Variants in COBL observed in about 807,000 individuals in gnomAD.
COBL encodes cordon-bleu WH2 repeat protein, also known as protein cordon-bleu.
In COBL, 51 loss-of-function variants were observed where a neutral mutation model predicts 98.8. The ratio of observed to expected loss-of-function variants is 0.52; its 90% CI spans 0.41 to 0.65. COBL has a LOEUF of 0.65. Ranked by LOEUF, COBL falls within the 30% of genes least tolerant of loss-of-function variation. COBL has a pLI of 0.00. For synonymous variants in COBL, 634 were observed against 651.7 expected (o/e 0.97, Z 0.41); for missense variants, 1,617 against 1,617.5 (o/e 1.00, Z 0.01).
intron 6 of COBL, among the ~76,000 whole-genome samples, chr7:51,094,789 TA>T (rs1795127738): frequency 1.3e-5 from 2 of 152,200 alleles, no homozygotes; most frequent in East Asian, 3.9e-4. Flanking sequence ...ATTTAAAAAA[TA>T]AAAGCATAAA....
At position 51,193,535 on chromosome 7, in the gene COBL, T is replaced by C. The variant is rs1790318936; in HGVS notation, c.300A>G (p.Pro100=). 5 of 1,614,076 alleles carry C rather than the reference T, an allele frequency of 3.1e-6. No individual in the cohort carries two copies. Among genetic ancestry groups the C allele is most frequent in the Admixed American group, 1.7e-5 (1 of 60,000 alleles). ...VELCLQNHLN[P]SHHALEIRSS... ...ACCGAATTTCAAGGGCATGGTGGGA[T>C]GGATTCAGGTGGTTCTGAAGGCAAA... The change falls in exon 3 of 13, where the codon CCA becomes CCG. Residue 100 remains proline, a synonymous_variant. Coordinates refer to ENST00000265136, the MANE Select transcript of COBL (RefSeq NM_015198.5).
chr7:51,027,629 C>T, intron 10 of COBL, 83 bp downstream of exon 10: 1 of 1,186,906 alleles, frequency 8.4e-7, no homozygotes, highest in Non-Finnish European at 1.2e-6. Context: ...TCTCTCTCTC[C>T]TCCGCTTTAT....
chr7:51,077,802 G>A (rs1793237228), intron 7 of COBL, among the ~76,000 whole-genome samples: 1 of 152,176 alleles, frequency 6.6e-6, no homozygotes, highest in Non-Finnish European at 1.5e-5. Context: ...GAGAAGTGTA[G>A]GTGGAGGCTA....
chr7:51,297,595 G>A (rs983223664), intron 1 of COBL, among the ~76,000 whole-genome samples: 11 of 152,098 alleles, frequency 7.2e-5, no homozygotes, highest in Middle Eastern at 3.4e-3. Context: ...GTTTTGCCAC[G>A]TTGGCCAGAC....
At chr7:51,242,077 C>A (rs1795840597) in intron 1 of COBL, among the ~76,000 whole-genome samples, 2 of 152,194 alleles carry the variant, frequency 1.3e-5, no homozygotes, top group South Asian at 4.1e-4. Context: ...CAGGCCAAGT[C>A]TTCATTTGCG....
chr7:51,171,556 T>C (rs1230912954), intron 5 of COBL, among the ~76,000 whole-genome samples: 1 of 152,186 alleles, frequency 6.6e-6, no homozygotes, highest in Non-Finnish European at 1.5e-5. Flanking sequence ...AATTTTTTAA[T>C]TGTCTTTCAT....
At chr7:51,065,749 A>G (rs1355875843) in intron 7 of COBL, among the ~76,000 whole-genome samples, 2 of 152,256 alleles carry the variant, frequency 1.3e-5, no homozygotes, top group South Asian at 2.1e-4. Context: ...CTAAAAATTT[A>G]TATGTTGAAG....
chr7:51,026,608 C>A lies in COBL; in HGVS notation c.3442G>T (p.Gly1148Cys), dbSNP rs375484941. 3 of 1,614,032 alleles carry A rather than the reference C, an allele frequency of 1.9e-6. No individual in the cohort carries two copies. In the African/African-American group the frequency reaches 4.0e-5, roughly 22 times the overall value. ...PAKLSYTEAE[G>C]ERSALLAAIR... ...GCTGCCAGCAGTGCAGATCGTTCGC[C>A]CTCTGCCTCCGTGTAGGACAGTTTC... Residue 1148 changes from glycine (G) to cysteine (C), a missense_variant, in exon 11 of 13, where the codon GGC becomes TGC. Physicochemically the swap from Gly to Cys is radical, Grantham distance 159. Transcript: ENST00000265136.
rs180938532 is a variant in COBL at position 51,282,769 on chromosome 7, C to T, written c.41+33824G>A. Among the ~76,000 whole-genome samples the T allele has an allele frequency of 4.6e-5, 7 of 152,014 alleles. No individual in the cohort carries two copies. In the East Asian group the frequency reaches 1.4e-3, roughly 29 times the overall value. ...ATTGTTTTCAACAGCAAATAGAACA[C>T]TAACCAAGATAGACAATCTCCTGGG... On this transcript the variant is annotated intron_variant, in intron 1 of 12. Transcript: ENST00000265136.
intron 1 of COBL, among the ~76,000 whole-genome samples, chr7:51,262,831 C>T (rs943947810): frequency 6.6e-6 from 1 of 152,216 alleles, no homozygotes; most frequent in Non-Finnish European, 1.5e-5. Context: ...CCCTCACTGC[C>T]CACGCCCTAC....
At chr7:51,236,928 C>T (rs1037783866) in intron 1 of COBL, among the ~76,000 whole-genome samples, 2 of 152,210 alleles carry the variant, frequency 1.3e-5, no homozygotes, top group African/African-American at 4.8e-5. Flanking sequence ...CTCGCCTCTT[C>T]ACAGCTGAGC....
At chr7:51,055,077 C>T (rs1337345125) in intron 7 of COBL, among the ~76,000 whole-genome samples, 1 of 152,118 alleles carries the variant, frequency 6.6e-6, no homozygotes, top group Non-Finnish European at 1.5e-5. Context: ...GCAGATATGA[C>T]CCCAGGGTTG....
chr7:51,221,620 G>A (rs971334942), intron 1 of COBL, among the ~76,000 whole-genome samples: 1 of 152,130 alleles, frequency 6.6e-6, no homozygotes, highest in Non-Finnish European at 1.5e-5. Flanking sequence ...TTAAAGAGAG[G>A]TCTACATTAA....
intron 7 of COBL, among the ~76,000 whole-genome samples, chr7:51,046,592 G>C (rs1033279227): frequency 2.0e-5 from 3 of 152,042 alleles, no homozygotes; most frequent in African/African-American, 4.8e-5. Context: ...AACATGTTTT[G>C]ACAATTTCTG....
intron 5 of COBL, among the ~76,000 whole-genome samples, chr7:51,159,409 G>A (rs953789298): frequency 3.9e-5 from 6 of 152,174 alleles, no homozygotes; most frequent in South Asian, 4.1e-4. Flanking sequence ...CTGTGATGGC[G>A]GAGATGTCAT....
intron 1 of COBL, among the ~76,000 whole-genome samples, chr7:51,227,285 G>C (rs936275672): frequency 6.6e-6 from 1 of 152,132 alleles, no homozygotes; most frequent in South Asian, 2.1e-4. Context: ...GGTTCCACGA[G>C]GCTCAGATGG....
chr7:51,104,018 T>G (rs1796039399), intron 6 of COBL, among the ~76,000 whole-genome samples: 1 of 152,254 alleles, frequency 6.6e-6, no homozygotes, highest in Non-Finnish European at 1.5e-5. Context: ...AGCCCAAAGT[T>G]TCCTGAGAGA....
intron 1 of COBL, among the ~76,000 whole-genome samples, chr7:51,268,375 C>CT (rs1289222657): frequency 1.3e-5 from 2 of 152,170 alleles, no homozygotes; most frequent in African/African-American, 4.8e-5. Context: ...CCTCTGGACC[C>CT]TCAAGCTCCT....
At chr7:51,259,820 C>G in intron 1 of COBL, 1 of 753,522 alleles carries the variant, frequency 1.3e-6, no homozygotes, top group Non-Finnish European at 2.4e-6. Flanking sequence ...AAAGATACCA[C>G]TAAAAATTTT....
Sources: allele counts gnomAD v4.1 joint callset (sites outside exome capture counted in the v4.1 genomes callset), GRCh38; gene constraint gnomAD v4.1.1; transcripts MANE v1.5; gene names NCBI Gene and HGNC (gene_info 2026-07-23, HGNC 2026-07-21).